PSG7: variants seen among roughly 807,000 people sequenced by gnomAD.
The protein encoded by PSG7 is pregnancy-specific beta-1-glycoprotein 7.
A neutral mutation model predicts 45.6 loss-of-function variants in PSG7; 57 were observed. That is an observed-to-expected ratio of 1.25 (90% CI 1.01 to 1.56). PSG7 has a LOEUF of 1.56. Ranked by LOEUF, PSG7 falls within the 40% of genes most tolerant of loss-of-function variation. The pLI, the probability that PSG7 is intolerant of heterozygous loss-of-function variation, is 0.00. For missense variants in PSG7, 796 were observed against 508.4 expected, an observed-to-expected ratio of 1.57 and a Z score of -5.44; for synonymous variants, 298 against 194.4, an observed-to-expected ratio of 1.53 and a Z score of -4.43.
chr19:42,925,569 C>G (rs1972863205), intron 5 of PSG7: 1 of 1,304,746 alleles, frequency 7.7e-7, no homozygotes, highest in South Asian at 1.6e-5. Context: ...TTGGTCTAGG[C>G]TGGGAATGTT....
At chr19:42,928,945 G>A (rs143506138) in intron 3 of PSG7, among the ~76,000 whole-genome samples, 6 of 151,486 alleles carry the variant, frequency 4.0e-5, no homozygotes, top group Admixed American at 3.3e-4. Flanking sequence ...AAGAATGCTC[G>A]GCCAGTGGAT....
intron 2 of PSG7, among the ~76,000 whole-genome samples, chr19:42,933,286 TATATATATATATATA>T (rs1456809667): frequency 3.9e-4 from 4 of 10,354 alleles, no homozygotes; most frequent in East Asian, 4.1e-3. Context: ...TATATATATA[TATATATATATATATA>T]TATATATTTT....
At chr19:42,928,206 GA>G (rs1972936663) in intron 3 of PSG7, among the ~76,000 whole-genome samples, 1 of 151,596 alleles carries the variant, frequency 6.6e-6, no homozygotes, top group Non-Finnish European at 1.5e-5. Context: ...TCTATGTCAT[GA>G]GAACTTTCCA....
chr19:42,933,438 A>G (rs1973077075), intron 2 of PSG7, among the ~76,000 whole-genome samples: 4 of 147,586 alleles, frequency 2.7e-5, no homozygotes, highest in South Asian at 4.4e-4. Flanking sequence ...TCACAAAGTG[A>G]AAGAGCCCTG....
rs561034904 is a variant in PSG7 at position 42,924,495 on chromosome 19, G to A, written c.*313C>T. On this transcript the variant is annotated 3_prime_UTR_variant, in exon 6 of 6. Coordinates refer to ENST00000406070, the MANE Select transcript of PSG7 (RefSeq NM_002783.3). ...TGCATTATCCTGCCAAGTGAAAGAG[G>A]CAGGCACAAGCAAGGACAGCTAAGA... The A allele has an allele frequency of 5.4e-6, 3 of 560,418 alleles. No individual in the cohort carries two copies. The African/African-American group carries it at 5.6e-5, about 11-fold the overall frequency. The allele number at this position is 560,418 out of a possible 1,614,324, so 34.7% of individuals were successfully genotyped here.
In PSG7 at chr19:42,924,212, G is replaced by A. The variant is rs545002782; in HGVS notation, c.*596C>T. The A allele has an allele frequency of 1.0e-5, 2 of 199,770 alleles. No individual in the cohort carries two copies. The highest frequency in any genetic ancestry group is 2.0e-5 in the Non-Finnish European group (2 of 99,844). 12.4% of individuals were successfully genotyped at this position (199,770 alleles called of 1,614,324 possible). ...TACAATGTATCTCTTAGGAAATGGT[G>A]AGAGCCATCCACACAATGTGCATTT... On this transcript the variant is annotated 3_prime_UTR_variant, in exon 6 of 6. Coordinates refer to ENST00000406070, the MANE Select transcript of PSG7 (RefSeq NM_002783.3).
chr19:42,929,828 T>C (rs1311525957), intron 2 of PSG7, 108 bp from the exon 3 acceptor site: 1 of 1,455,434 alleles, frequency 6.9e-7, no homozygotes, highest in Non-Finnish European at 9.3e-7. Context: ...ACCCAAGTCC[T>C]TAAAAGCCCA....
rs141840544 is a variant in PSG7 at position 42,924,492 on chromosome 19, G to C, written c.*316C>G. 739 of 558,440 alleles carry C rather than the reference G, an allele frequency of 1.3e-3. 11 individuals are homozygous for C. Among genetic ancestry groups the C allele is most frequent in the African/African-American group, 0.012 (664 of 53,172 alleles). 34.6% of individuals were successfully genotyped at this position (558,440 alleles called of 1,614,324 possible). ...GACTGCATTATCCTGCCAAGTGAAA[G>C]AGGCAGGCACAAGCAAGGACAGCTA... On this transcript the variant is annotated 3_prime_UTR_variant, in exon 6 of 6. Coordinates refer to ENST00000406070, the MANE Select transcript of PSG7 (RefSeq NM_002783.3).
Position 42,924,545 on chromosome 19 carries a change from G to A in PSG7, c.*263C>T, listed in dbSNP as rs1166502038. The A allele has an allele frequency of 1.3e-5, 8 of 595,024 alleles. No individual in the cohort carries two copies. The highest frequency in any genetic ancestry group is 6.5e-5 in the South Asian group (3 of 46,380). 36.9% of individuals were successfully genotyped at this position (595,024 alleles called of 1,614,324 possible). On this transcript the variant is annotated 3_prime_UTR_variant, in exon 6 of 6. Transcript: ENST00000406070. ...AGGGGTGAGAGCCTCATCATGATGGGGAGTCTTATTCTGACATCTTGGGAA... is the reference window on the plus strand; with the variant it reads ...AGGGGTGAGAGCCTCATCATGATGGAGAGTCTTATTCTGACATCTTGGGAA...
At position 42,936,886 on chromosome 19, in the gene PSG7, A is replaced by G. The variant is rs751903177; in HGVS notation, c.64+127T>C. On this transcript the variant is annotated intron_variant, in intron 1 of 5. Transcript: ENST00000406070. ...CTGATCTTGAACTCCTGATCTCTTG[A>G]TCCACCCACCTCAGCCTCCCAAAGT... 133 of 1,402,446 alleles carry G rather than the reference A, an allele frequency of 9.5e-5. 2 individuals carry two copies. Among genetic ancestry groups the G allele is most frequent in the Non-Finnish European group, 1.1e-4 (116 of 1,013,330 alleles). The allele number at this position is 1,402,446 out of a possible 1,614,324, so 86.9% of individuals were successfully genotyped here. A position where few individuals can be genotyped will look rare whatever the true frequency, so the allele number is the denominator to read the frequency against.
At chr19:42,931,998 C>G (rs1245151172) in intron 2 of PSG7, among the ~76,000 whole-genome samples, 1 of 151,392 alleles carries the variant, frequency 6.6e-6, no homozygotes, top group Non-Finnish European at 1.5e-5. Flanking sequence ...TACCAGTAAG[C>G]ATCAAAAGCA....
Position 42,934,197 on chromosome 19 carries a change from AG to A in PSG7, c.430+1206del, listed in dbSNP as rs1016788210. 4.8e-4 allele frequency among the ~76,000 whole-genome samples: 72 copies of A among 151,524 alleles called. 2 individuals carry two copies. The highest frequency in any genetic ancestry group is 1.7e-3 in the African/African-American group (72 of 41,284). ...GTTCAATGATGGGTGTTAAGATCTG[AG>A]GGGGAGACCTGGACATTTTTTTTGC... On this transcript the variant is annotated intron_variant, in intron 2 of 5. Transcript: ENST00000406070.
chr19:42,924,721 C>T lies in PSG7; in HGVS notation c.*87G>A. The T allele has an allele frequency of 1.3e-6, 1 of 766,882 alleles. No individual in the cohort carries two copies. The highest frequency in any genetic ancestry group is 1.3e-5 in the South Asian group (1 of 74,082). 47.5% of individuals were successfully genotyped at this position (766,882 alleles called of 1,614,324 possible). ...ATGAAATTTACATTGAGTTGTCCAA[C>T]TCTGACTTATAGGGCTTCTGGAACA... On this transcript the variant is annotated 3_prime_UTR_variant, in exon 6 of 6. Coordinates refer to ENST00000406070, the MANE Select transcript of PSG7 (RefSeq NM_002783.3).
intron 2 of PSG7, among the ~76,000 whole-genome samples, chr19:42,933,296 T>TAC (rs1973069595): frequency 1.2e-4 from 2 of 16,454 alleles, no homozygotes; most frequent in African/African-American, 2.9e-4. Context: ...TATATATATA[T>TAC]ATATATATAT....
At chr19:42,933,223 C>G (rs1249370595) in intron 2 of PSG7, among the ~76,000 whole-genome samples, 3 of 123,126 alleles carry the variant, frequency 2.4e-5, no homozygotes, top group African/African-American at 9.0e-5. Flanking sequence ...GTTTGGCAGA[C>G]TTGGAGTCAT....
At position 42,935,758 on chromosome 19, in the gene PSG7, T is replaced by C. The variant is rs2122700935; in HGVS notation, c.76A>G (p.Asn26Asp). 4 of 1,609,836 alleles carry C rather than the reference T, an allele frequency of 2.5e-6. No homozygotes were observed. Among genetic ancestry groups the C allele is most frequent in the Non-Finnish European group, 3.4e-6 (4 of 1,178,164 alleles). ...KGLLLTASLL[N>D]FWNPPTTAQV... is the part of the protein sequence containing the mutation. ...GCTGTGGTGGGCGGGTTCCAGAAGT[T>C]TAAAAGTGATGCTAGGAGGTGGAGA... The change falls in exon 2 of 6, where the codon AAC becomes GAC. Residue 26 changes from asparagine (N) to aspartate (D), a missense_variant. Physicochemically the swap from Asn to Asp is conservative, Grantham distance 23. Transcript: ENST00000406070.
chr19:42,937,202 A>T lies in PSG7; in HGVS notation c.-126T>A. On this transcript the variant is annotated 5_prime_UTR_variant, in exon 1 of 6. Transcript: ENST00000406070. ...CTGAGCCTCTTCCCGGGGCAGGAGC[A>T]CTTCTCAAGCTCATGGGTGGGGTCA... 1 of 1,393,570 alleles carries T rather than the reference A, an allele frequency of 7.2e-7. No homozygotes were observed. The highest frequency in any genetic ancestry group is 9.7e-7 in the Non-Finnish European group (1 of 1,027,486). 86.3% of individuals were successfully genotyped at this position (1,393,570 alleles called of 1,614,324 possible). A position where few individuals can be genotyped will look rare whatever the true frequency, so the allele number is the denominator to read the frequency against.
intron 2 of PSG7, among the ~76,000 whole-genome samples, chr19:42,930,793 G>C (rs144439985): frequency 1.3e-5 from 2 of 151,682 alleles, no homozygotes; most frequent in East Asian, 3.9e-4. Flanking sequence ...TGTTCCGTGG[G>C]TGTGTGGTTT....
Position 42,936,870 on chromosome 19 carries a change from A to G in PSG7, c.64+143T>C, listed in dbSNP as rs1052842170. The G allele has an allele frequency of 2.3e-6, 3 of 1,297,826 alleles. 1 individual carries two copies. Among genetic ancestry groups the G allele is most frequent in the African/African-American group, 3.0e-5 (2 of 66,974 alleles). 80.4% of individuals were successfully genotyped at this position (1,297,826 alleles called of 1,614,324 possible). Reference sequence around the variant, plus strand: ...CATTGTGTTGGCCAGACTGATCTTGAACTCCTGATCTCTTGATCCACCCAC... The same window carrying G: ...CATTGTGTTGGCCAGACTGATCTTGGACTCCTGATCTCTTGATCCACCCAC... On this transcript the variant is annotated intron_variant, in intron 1 of 5. Coordinates refer to ENST00000406070, the MANE Select transcript of PSG7 (RefSeq NM_002783.3).
Sources: gnomAD v4.1 joint callset for allele counts (sites outside exome capture counted in the v4.1 genomes callset) on GRCh38, gnomAD v4.1.1 for gene constraint, MANE v1.5 for transcripts, NCBI Gene and HGNC (gene_info 2026-07-23, HGNC 2026-07-21) for gene names.